The following CGNL1 variants were observed in gnomAD, a reference collection of about 807,000 sequenced individuals.
The protein encoded by CGNL1 is cingulin like 1.
CGNL1 carries 132 observed loss-of-function variants against 141.2 expected under a neutral mutation model. The observed-to-expected ratio is 0.93, with a 90% CI of 0.81 to 1.08. The LOEUF is 1.08. Among genes scored for constraint, CGNL1 ranks in the 50% least tolerant of loss-of-function variants. The pLI is 0.00. For missense variants in CGNL1, 1,870 were observed against 1,588.6 expected (o/e 1.18, Z -3.01); for synonymous variants, 690 against 622.1 (o/e 1.11, Z -1.63).
At chr15:57,468,234 C>CTTTTTTTT (rs57360097) in intron 8 of CGNL1, among the ~76,000 whole-genome samples, 4 of 85,900 alleles carry the variant, frequency 4.7e-5, no homozygotes, top group Non-Finnish European at 6.3e-5. Context: ...TTTTCTTTTT[C>CTTTTTTTT]TTTTTTTTTT....
intron 1 of CGNL1, chr15:57,398,299 T>A (rs1487684754): frequency 6.6e-6 from 1 of 152,202 alleles, no homozygotes; most frequent in Non-Finnish European, 1.5e-5. Flanking sequence ...TCCTTTTTTG[T>A]TTTTTTGAAT....
At chr15:57,467,686 CT>C (rs140789370) in intron 8 of CGNL1, among the ~76,000 whole-genome samples, 32,286 of 106,744 alleles carry the variant, frequency 0.3, 2,687 homozygotes, top group Middle Eastern at 0.38. Flanking sequence ...GAGTCTCTGT[CT>C]TTTTTTTTTT....
chr15:57,529,196 T>C (rs2031804487), intron 13 of CGNL1, among the ~76,000 whole-genome samples: 1 of 152,156 alleles, frequency 6.6e-6, no homozygotes, highest in Admixed American at 6.5e-5. Context: ...GAGAGGAGCC[T>C]CCTAGGAATC....
intron 9 of CGNL1, 83 bp downstream of exon 9, chr15:57,517,069 G>C: frequency 7.5e-7 from 1 of 1,326,316 alleles, no homozygotes; most frequent in Non-Finnish European, 1.1e-6. Flanking sequence ...GTGGGGAAGG[G>C]ATTTATTGTC....
chr15:57,513,559 C>T lies in CGNL1; in HGVS notation c.2404-3221C>T, dbSNP rs111239516. The stretch of plus-strand genomic sequence containing the variant: ...TTTTGAGATGGAGTCTCACTCTTGT[C>T]GCCCAGCCTGGAGTGCAATGGTGTG... On this transcript the variant is annotated intron_variant, in intron 8 of 18. Transcript: ENST00000281282. 2.8e-3 allele frequency among the ~76,000 whole-genome samples: 421 copies of T among 152,030 alleles called. 5 individuals are homozygous for T. Among genetic ancestry groups the T allele is most frequent in the African/African-American group, 9.5e-3 (395 of 41,448 alleles).
At chr15:57,501,380 A>C (rs2064022092) in intron 8 of CGNL1, among the ~76,000 whole-genome samples, 1 of 152,364 alleles carries the variant, frequency 6.6e-6, no homozygotes. Flanking sequence ...GAGATGACTC[A>C]TGGAAAGCAC....
In CGNL1 at chr15:57,512,361, A is replaced by G. The variant is rs532113042; in HGVS notation, c.2404-4419A>G. Among the ~76,000 whole-genome samples, 37 of 152,288 alleles carry G rather than the reference A, an allele frequency of 2.4e-4. No individual in the cohort carries two copies. In the South Asian group the frequency reaches 7.5e-3, roughly 31 times the overall value. On this transcript the variant is annotated intron_variant, in intron 8 of 18. Transcript: ENST00000281282. Reference sequence around the variant, plus strand: ...AAGGAAAGTTTGTTCTATGGGCTTTATATAAAAGGTGAGCTGGCCATGTGG... The same window carrying G: ...AAGGAAAGTTTGTTCTATGGGCTTTGTATAAAAGGTGAGCTGGCCATGTGG...
At chr15:57,494,416 C>T (rs1366966504) in intron 8 of CGNL1, among the ~76,000 whole-genome samples, 6 of 152,202 alleles carry the variant, frequency 3.9e-5, no homozygotes, top group Non-Finnish European at 7.3e-5. Flanking sequence ...AAGAGTCCAC[C>T]TCTGCCACCA....
rs1224268588 is a variant in CGNL1 at position 57,536,933 on chromosome 15, A to G, written c.3291+5154A>G. Among the ~76,000 whole-genome samples, 6 of 152,192 alleles carry G rather than the reference A, an allele frequency of 3.9e-5. No homozygotes were observed. The South Asian group carries it at 1.2e-3, about 32-fold the overall frequency. On this transcript the variant is annotated intron_variant, in intron 14 of 18. Transcript: ENST00000281282. ...AAATGCATTTGGGTCTCCATTCCCA[A>G]GTTAAAAGTGGTGTTTCTTAAAATG...
intron 1 of CGNL1, among the ~76,000 whole-genome samples, chr15:57,387,085 G>A (rs759475312): frequency 2.6e-5 from 4 of 151,904 alleles, no homozygotes; most frequent in Non-Finnish European, 4.4e-5. Context: ...GTCACTCCAC[G>A]TTCCTCCCTT....
At chr15:57,462,257 A>C (rs2063456971) in intron 8 of CGNL1, among the ~76,000 whole-genome samples, 1 of 152,226 alleles carries the variant, frequency 6.6e-6, no homozygotes, top group African/African-American at 2.4e-5. Flanking sequence ...AATGGGCAGA[A>C]GTGCAGACGG....
intron 8 of CGNL1, among the ~76,000 whole-genome samples, chr15:57,491,135 T>C (rs2063856270): frequency 6.6e-6 from 1 of 152,172 alleles, no homozygotes; most frequent in African/African-American, 2.4e-5. Context: ...CTTTGGTTAA[T>C]AATAATAGAT....
intron 14 of CGNL1, among the ~76,000 whole-genome samples, chr15:57,537,536 A>G (rs2032327624): frequency 6.6e-6 from 1 of 151,836 alleles, no homozygotes; most frequent in South Asian, 2.1e-4. Flanking sequence ...ATTAATAACA[A>G]TTTTCCTTTT....
chr15:57,530,959 T>G (rs1464877211), intron 13 of CGNL1, among the ~76,000 whole-genome samples: 2 of 152,184 alleles, frequency 1.3e-5, no homozygotes, highest in Non-Finnish European at 2.9e-5. Flanking sequence ...CTATGACAGA[T>G]TGGCTGGTGA....
chr15:57,396,151 C>T (rs1434164029), intron 1 of CGNL1, among the ~76,000 whole-genome samples: 1 of 152,108 alleles, frequency 6.6e-6, no homozygotes, highest in African/African-American at 2.4e-5. Flanking sequence ...AAATATATTG[C>T]TACATTTCTT....
chr15:57,410,586 CAT>C (rs1216681634), intron 1 of CGNL1, among the ~76,000 whole-genome samples: 1 of 152,174 alleles, frequency 6.6e-6, no homozygotes, highest in Non-Finnish European at 1.5e-5. Flanking sequence ...GTGGTCCCAA[CAT>C]GTGTACGTGT....
At chr15:57,426,681 A>T (rs1198210621) in intron 1 of CGNL1, among the ~76,000 whole-genome samples, 1 of 146,170 alleles carries the variant, frequency 6.8e-6, no homozygotes, top group Non-Finnish European at 1.5e-5. Context: ...CTGGTCTTGA[A>T]CTCCTGGGGT....
chr15:57,526,640 A>G (rs1237622454), intron 12 of CGNL1, among the ~76,000 whole-genome samples: 4 of 150,746 alleles, frequency 2.7e-5, no homozygotes, highest in African/African-American at 1.0e-4. Context: ...TTTATTTTCT[A>G]CATCTCTTTT....
chr15:57,394,817 TAAAC>T (rs2062585005), intron 1 of CGNL1, among the ~76,000 whole-genome samples: 1 of 152,160 alleles, frequency 6.6e-6, no homozygotes, highest in Admixed American at 6.6e-5. Context: ...AGCACGTACT[TAAAC>T]AATTATTTGG....
Sources: gnomAD v4.1 joint callset for allele counts (sites outside exome capture counted in the v4.1 genomes callset) on GRCh38, gnomAD v4.1.1 for gene constraint, MANE v1.5 for transcripts, NCBI Gene and HGNC (gene_info 2026-07-23, HGNC 2026-07-21) for gene names.